RANBP17: variants seen among roughly 807,000 people sequenced by gnomAD.
The protein encoded by RANBP17 is ran-binding protein 17.
Under a neutral mutation model 141.2 loss-of-function variants are expected in RANBP17, and 158 were observed. That is an observed-to-expected ratio of 1.12 (90% CI 0.98 to 1.28). RANBP17 has a LOEUF of 1.28. Among genes scored for constraint, RANBP17 ranks in the 50% most tolerant of loss-of-function variants. The probability of loss-of-function intolerance (pLI) is 0.00; values close to 1 mark genes in which losing one functional copy is unlikely to be tolerated. For missense variants in RANBP17, 1,438 were observed against 1,290.7 expected (o/e 1.11, Z -1.75); for synonymous variants, 430 against 450.0 (o/e 0.96, Z 0.56).
intron 14 of RANBP17, among the ~76,000 whole-genome samples, chr5:171,039,637 AG>A (rs1782128973): frequency 6.6e-6 from 1 of 152,078 alleles, no homozygotes; most frequent in Non-Finnish European, 1.5e-5. Flanking sequence ...AGCTAGACTA[AG>A]AAAGAAAAAA....
At chr5:171,253,052 A>G in intron 24 of RANBP17, 1 of 938,990 alleles carries the variant, frequency 1.1e-6, no homozygotes, top group East Asian at 2.4e-5. Flanking sequence ...GGAAAGGATC[A>G]AGCACTGATT....
intron 22 of RANBP17, among the ~76,000 whole-genome samples, chr5:171,230,834 C>A (rs114292123): frequency 2.4e-3 from 359 of 152,064 alleles, no homozygotes; most frequent in African/African-American, 8.4e-3. Flanking sequence ...GATGGTATGA[C>A]CATATTTACA....
At chr5:171,091,533 C>T (rs897853155) in intron 14 of RANBP17, among the ~76,000 whole-genome samples, 3 of 152,044 alleles carry the variant, frequency 2.0e-5, no homozygotes, top group African/African-American at 7.2e-5. Flanking sequence ...GTTGGGAAGG[C>T]ATGATTGGTT....
intron 14 of RANBP17, among the ~76,000 whole-genome samples, chr5:171,077,217 G>A (rs932908512): frequency 6.6e-6 from 1 of 152,082 alleles, no homozygotes; most frequent in African/African-American, 2.4e-5. Context: ...GCGGGCGCCT[G>A]TAGTCCCAGC....
At chr5:170,911,505 G>T in intron 7 of RANBP17, 2 of 715,548 alleles carry the variant, frequency 2.8e-6, no homozygotes, top group Non-Finnish European at 5.3e-6. Context: ...AAATCTTCAG[G>T]ATCAGTGTTA....
At chr5:171,086,175 G>C (rs1322439698) in intron 14 of RANBP17, among the ~76,000 whole-genome samples, 4 of 132,024 alleles carry the variant, frequency 3.0e-5, no homozygotes, top group Admixed American at 7.8e-5. Flanking sequence ...TAGCATGAAG[G>C]GTTGTTGAAT....
intron 24 of RANBP17, among the ~76,000 whole-genome samples, chr5:171,258,117 ATACAC>A (rs1339900411): frequency 1.3e-4 from 12 of 90,342 alleles, no homozygotes; most frequent in African/African-American, 3.3e-4. Flanking sequence ...AAAAAAAAAA[ATACAC>A]ACACACACAC....
chr5:170,876,420 A>T (rs1768183102), intron 1 of RANBP17, among the ~76,000 whole-genome samples: 1 of 152,048 alleles, frequency 6.6e-6, no homozygotes, highest in African/African-American at 2.4e-5. Context: ...AAACAATATA[A>T]TTTTTACGTA....
intron 14 of RANBP17, among the ~76,000 whole-genome samples, chr5:171,129,441 G>A (rs1466974172): frequency 6.6e-6 from 1 of 151,988 alleles, no homozygotes; most frequent in African/African-American, 2.4e-5. Flanking sequence ...TGCTCACCCC[G>A]TGACCCAACC....
chr5:171,029,136 T>G (rs1781401581), intron 14 of RANBP17: 1 of 241,288 alleles, frequency 4.1e-6, no homozygotes, highest in African/African-American at 2.2e-5. Context: ...ATCTATTCAT[T>G]TATTCTAGGA....
In RANBP17 at chr5:171,221,756, A is replaced by G. The variant is rs753045175; in HGVS notation, c.2340-2A>G. 1 of 1,591,128 alleles carries G rather than the reference A, an allele frequency of 6.3e-7. No homozygotes were observed. Among genetic ancestry groups the G allele is most frequent in the Non-Finnish European group, 8.6e-7 (1 of 1,161,140 alleles). On this transcript the variant is annotated splice_acceptor_variant, in intron 21 of 27. Transcript: ENST00000523189. LOFTEE classifies it high-confidence loss of function. ...TAGGCAATTTTTTTCTATATTTCTT[A>G]GATCCCAGCGTTTGAATTTTGATGT... is the stretch of plus-strand genomic sequence containing the variant.
chr5:171,141,922 T>A (rs530304793), intron 14 of RANBP17, among the ~76,000 whole-genome samples: 5 of 152,152 alleles, frequency 3.3e-5, no homozygotes, highest in Non-Finnish European at 7.4e-5. Flanking sequence ...ATTTTTTGGT[T>A]AACTCTTTGT....
chr5:171,154,051 T>A (rs1227006767), intron 14 of RANBP17, among the ~76,000 whole-genome samples: 1 of 141,370 alleles, frequency 7.1e-6, no homozygotes, highest in Non-Finnish European at 1.5e-5. Context: ...AATAAATAAA[T>A]AAAAATTGCA....
intron 14 of RANBP17, among the ~76,000 whole-genome samples, chr5:171,050,227 T>C (rs1000847721): frequency 2.6e-5 from 4 of 152,198 alleles, no homozygotes; most frequent in Non-Finnish European, 4.4e-5. Flanking sequence ...TTTATTACTA[T>C]AAACTATAAA....
At chr5:170,895,709 T>A (rs1770057061) in intron 4 of RANBP17, among the ~76,000 whole-genome samples, 1 of 152,222 alleles carries the variant, frequency 6.6e-6, no homozygotes, top group African/African-American at 2.4e-5. Context: ...CTTGGTCTTA[T>A]AAAAGGTATT....
intron 11 of RANBP17, among the ~76,000 whole-genome samples, chr5:170,920,237 C>T (rs536560389): frequency 3.9e-5 from 6 of 152,092 alleles, no homozygotes; most frequent in South Asian, 2.1e-4. Flanking sequence ...TAAAAGCTGC[C>T]GAACTATTTT....
intron 13 of RANBP17, among the ~76,000 whole-genome samples, chr5:170,964,188 A>G (rs927377910): frequency 6.6e-6 from 1 of 152,212 alleles, no homozygotes; most frequent in Admixed American, 6.5e-5. Flanking sequence ...TATCAAAATT[A>G]TAATAATTTA....
intron 14 of RANBP17, among the ~76,000 whole-genome samples, chr5:171,001,082 G>C (rs138266189): frequency 2.0e-5 from 3 of 152,248 alleles, no homozygotes; most frequent in East Asian, 3.9e-4. Context: ...AAATAGTGGT[G>C]AAGTGTTGGA....
At chr5:170,883,364 C>CA (rs879555845) in intron 3 of RANBP17, among the ~76,000 whole-genome samples, 1 of 152,240 alleles carries the variant, frequency 6.6e-6, no homozygotes, top group African/African-American at 2.4e-5. Flanking sequence ...TTCTGCCACA[C>CA]ACGCACAGCT....
Sources: allele counts gnomAD v4.1 joint callset (sites outside exome capture counted in the v4.1 genomes callset), GRCh38; gene constraint gnomAD v4.1.1; transcripts MANE v1.5; gene names NCBI Gene and HGNC (gene_info 2026-07-23, HGNC 2026-07-21).